Variants in PLEKHG1 observed in about 807,000 individuals in gnomAD.
PLEKHG1 encodes pleckstrin homology domain-containing family G member 1.
A neutral mutation model predicts 100.8 loss-of-function variants in PLEKHG1; 44 were observed. The ratio of observed to expected loss-of-function variants is 0.44; its 90% CI spans 0.34 to 0.56. PLEKHG1 has a LOEUF of 0.56. Among genes scored for constraint, PLEKHG1 ranks in the 20% least tolerant of loss-of-function variants. PLEKHG1 has a pLI of 0.01. For missense variants in PLEKHG1, 1,545 were observed against 1,720.9 expected, an observed-to-expected ratio of 0.90 and a Z score of 1.81; for synonymous variants, 640 against 662.5, an observed-to-expected ratio of 0.97 and a Z score of 0.52.
chr6:150,760,704 G>C (rs1205735624), intron 2 of PLEKHG1, among the ~76,000 whole-genome samples: 1 of 150,926 alleles, frequency 6.6e-6, no homozygotes, highest in Non-Finnish European at 1.5e-5. Context: ...ACAGTAATGG[G>C]AGGTTGCAAA....
At chr6:150,662,509 A>G (rs1264453871) in intron 3 of PLEKHG1, 2 of 152,164 alleles carry the variant, frequency 1.3e-5, no homozygotes, top group African/African-American at 4.8e-5. Flanking sequence ...TCCGCCTCCC[A>G]AGCTCAAGTG....
At chr6:150,609,862 G>A (rs1334761924) in intron 1 of PLEKHG1, among the ~76,000 whole-genome samples, 1 of 152,122 alleles carries the variant, frequency 6.6e-6, no homozygotes, top group Non-Finnish European at 1.5e-5. Flanking sequence ...GAACGTGTGG[G>A]GCTTGGACAG....
upstream of PLEKHG1, among the ~76,000 whole-genome samples, chr6:150,720,504 T>A (rs534096679): frequency 1.3e-3 from 192 of 152,360 alleles, 1 homozygote; most frequent in Middle Eastern, 0.01. Context: ...TTTTTAAATG[T>A]CAGCCTTAAA....
intron 3 of PLEKHG1, among the ~76,000 whole-genome samples, chr6:150,682,337 T>C (rs1381812298): frequency 6.6e-6 from 1 of 152,120 alleles, no homozygotes; most frequent in East Asian, 1.9e-4. Flanking sequence ...AACACTGTGC[T>C]GCGAGTGGCC....
At chr6:150,664,124 G>C (rs1779311719) in intron 3 of PLEKHG1, 1 of 152,258 alleles carries the variant, frequency 6.6e-6, no homozygotes, top group Admixed American at 6.5e-5. Flanking sequence ...CGTGGGGTTG[G>C]CTTCTTTCTC....
intron 4 of PLEKHG1, among the ~76,000 whole-genome samples, chr6:150,786,921 G>C (rs1190213661): frequency 6.6e-6 from 1 of 151,770 alleles, no homozygotes; most frequent in African/African-American, 2.4e-5. Flanking sequence ...CCAGCTACTA[G>C]GGTGGCTGAG....
intron 2 of PLEKHG1, among the ~76,000 whole-genome samples, chr6:150,753,492 G>T (rs1252527130): frequency 6.6e-6 from 1 of 152,174 alleles, no homozygotes; most frequent in Non-Finnish European, 1.5e-5. Context: ...GAGGGGACCT[G>T]CCGAGCTGGC....
intron 3 of PLEKHG1, among the ~76,000 whole-genome samples, chr6:150,675,621 C>T (rs537602403): frequency 1.3e-5 from 2 of 152,294 alleles, no homozygotes; most frequent in African/African-American, 4.8e-5. Flanking sequence ...CCCTCTGTCA[C>T]CCAGGCTGGA....
At chr6:150,775,061 A>G (rs1481257057) in intron 3 of PLEKHG1, among the ~76,000 whole-genome samples, 1 of 152,092 alleles carries the variant, frequency 6.6e-6, no homozygotes, top group East Asian at 1.9e-4. Flanking sequence ...TTGATACCCA[A>G]ATATCTCTTT....
chr6:150,774,680 A>G (rs571210228), intron 3 of PLEKHG1, among the ~76,000 whole-genome samples: 2 of 151,758 alleles, frequency 1.3e-5, no homozygotes, highest in South Asian at 2.1e-4. Context: ...AGCTGGGACT[A>G]CAGGCACAGG....
intron 10 of PLEKHG1, 110 bp from the exon 12 acceptor site, chr6:150,818,073 A>G (rs1490624437): frequency 1.2e-6 from 1 of 866,680 alleles, no homozygotes; most frequent in Non-Finnish European, 1.9e-6. Context: ...GCGAGTTTTT[A>G]AACGTTTTTA....
Position 150,768,622 on chromosome 6 carries a change from C to T in PLEKHG1, c.412-16C>T, listed in dbSNP as rs757758294. On this transcript the variant is annotated splice_polypyrimidine_tract_variant and intron_variant, in intron 2 of 15. Coordinates refer to ENST00000358517, the Ensembl canonical transcript of PLEKHG1. ...GGACAGGAGTGTTTAAGGCATCCTTCTCATTGATCTCACAGGATTACCTTG... is the reference window on the plus strand; with the variant it reads ...GGACAGGAGTGTTTAAGGCATCCTTTTCATTGATCTCACAGGATTACCTTG... The T allele has an allele frequency of 4.2e-5, 61 of 1,449,824 alleles. No homozygotes were observed. In the South Asian group the frequency reaches 6.5e-4, roughly 15 times the overall value. 89.8% of individuals were successfully genotyped at this position (1,449,824 alleles called of 1,614,324 possible). A position where few individuals can be genotyped will look rare whatever the true frequency, so the allele number is the denominator to read the frequency against.
chr6:150,624,041 T>C (rs573124199), intron 1 of PLEKHG1, among the ~76,000 whole-genome samples: 1 of 152,348 alleles, frequency 6.6e-6, no homozygotes, highest in African/African-American at 2.4e-5. Flanking sequence ...TCTGGAACCA[T>C]AGCGATGGCT....
chr6:150,676,510 T>C (rs189899122), intron 3 of PLEKHG1, among the ~76,000 whole-genome samples: 4 of 152,296 alleles, frequency 2.6e-5, no homozygotes, highest in Non-Finnish European at 5.9e-5. Context: ...TGACAGTATA[T>C]AATAAGGATG....
chr6:150,691,266 T>C (rs1383632063), intron 3 of PLEKHG1, among the ~76,000 whole-genome samples: 1 of 152,244 alleles, frequency 6.6e-6, no homozygotes, highest in East Asian at 1.9e-4. Context: ...AACCTGGTCA[T>C]GAAATCCTTT....
chr6:150,752,491 C>T (rs367622042), intron 2 of PLEKHG1, among the ~76,000 whole-genome samples: 35 of 152,306 alleles, frequency 2.3e-4, no homozygotes, highest in East Asian at 2.1e-3. Flanking sequence ...TACTTTCTGT[C>T]TCTCTGAATT....
intron 1 of PLEKHG1, among the ~76,000 whole-genome samples, chr6:150,613,988 A>G (rs1262834972): frequency 1.3e-5 from 2 of 152,184 alleles, no homozygotes; most frequent in African/African-American, 4.8e-5. Flanking sequence ...GTTTTGGTCT[A>G]TTTTGTTCAC....
intron 3 of PLEKHG1, among the ~76,000 whole-genome samples, chr6:150,714,767 T>G (rs1781360854): frequency 6.6e-6 from 1 of 152,130 alleles, no homozygotes; most frequent in Non-Finnish European, 1.5e-5. Flanking sequence ...CTTCTATACT[T>G]GAGTGCTTTT....
At chr6:150,720,090 G>T (rs2128608845), upstream of PLEKHG1, among the ~76,000 whole-genome samples, 1 of 152,212 alleles carries the variant, frequency 6.6e-6, no homozygotes, top group Middle Eastern at 3.4e-3. Flanking sequence ...TATTTAAAGG[G>T]TTTTCATCCT....
Sources: gnomAD v4.1 joint callset for allele counts (sites outside exome capture counted in the v4.1 genomes callset) on GRCh38, gnomAD v4.1.1 for gene constraint, MANE v1.5 for transcripts, NCBI Gene and HGNC (gene_info 2026-07-23, HGNC 2026-07-21) for gene names.